ABLIM1: variants seen among roughly 807,000 people sequenced by gnomAD.
ABLIM1 encodes the protein actin-binding LIM protein 1.
Under a neutral mutation model 107.0 loss-of-function variants are expected in ABLIM1, and 40 were observed. The observed-to-expected ratio is 0.37, with a 90% confidence interval of 0.29 to 0.49. The LOEUF (loss-of-function observed/expected upper bound fraction) is 0.49, where lower values mean the gene tolerates loss of function less well. Among genes scored for constraint, ABLIM1 ranks in the 20% least tolerant of loss-of-function variants. ABLIM1 has a pLI of 0.97. For missense variants in ABLIM1, 857 were observed against 1,008.5 expected (o/e 0.85, Z 2.04); for synonymous variants, 357 against 357.3 (o/e 1.00, Z 0.01).
intron 1 of ABLIM1, among the ~76,000 whole-genome samples, chr10:114,723,714 TC>T (rs1352856789): frequency 6.6e-6 from 1 of 152,232 alleles, no homozygotes; most frequent in African/African-American, 2.4e-5. Flanking sequence ...GTATGCTTTG[TC>T]TACACAGCAC....
intron 6 of ABLIM1, among the ~76,000 whole-genome samples, chr10:114,529,580 A>T (rs1036541412): frequency 2.0e-5 from 3 of 152,212 alleles, no homozygotes; most frequent in African/African-American, 7.2e-5. Flanking sequence ...TTTCCAGATG[A>T]AAAGAGTGAA....
intron 1 of ABLIM1, among the ~76,000 whole-genome samples, chr10:114,664,432 C>T (rs2079927064): frequency 6.6e-6 from 1 of 152,188 alleles, no homozygotes; most frequent in Admixed American, 6.5e-5. Flanking sequence ...TGTATCGTTA[C>T]AGCAGTAAAA....
At chr10:114,695,658 C>T (rs1253635694) in intron 1 of ABLIM1, among the ~76,000 whole-genome samples, 1 of 152,120 alleles carries the variant, frequency 6.6e-6, no homozygotes, top group Non-Finnish European at 1.5e-5. Flanking sequence ...GGGTCCATTA[C>T]AATTCAACAA....
rs140373838 is a variant in ABLIM1 at position 114,730,484 on chromosome 10, C to T, written c.-213+37577G>A. On this transcript the variant is annotated intron_variant, in intron 1 of 15. Transcript: ENST00000651092. The stretch of plus-strand genomic sequence containing the variant: ...AGTCACCAAGAGAAATCTGGAGCCA[C>T]TGGACTTAATGAAACTATTGATGGA... Among the ~76,000 whole-genome samples, 632 of 151,446 alleles carry T rather than the reference C, an allele frequency of 4.2e-3. 7 individuals are homozygous for T. The highest frequency in any genetic ancestry group is 0.014 in the African/African-American group (588 of 41,180).
chr10:114,723,997 T>A (rs75986087), intron 1 of ABLIM1, among the ~76,000 whole-genome samples: 6,169 of 152,270 alleles, frequency 0.041, 180 homozygotes, highest in African/African-American at 0.064. Flanking sequence ...TAAAATAAAA[T>A]CTTTGACCTA....
chr10:114,774,724 C>A, the ABLIM1 span, among the ~76,000 whole-genome samples: 1 of 152,090 alleles, frequency 6.6e-6, no homozygotes, highest in African/African-American at 2.4e-5. Context: ...GACCTCTAAC[C>A]TAGACATGAG....
chr10:114,727,446 C>T (rs2081983700), intron 1 of ABLIM1, among the ~76,000 whole-genome samples: 1 of 151,994 alleles, frequency 6.6e-6, no homozygotes, highest in Admixed American at 6.5e-5. Context: ...CAATGGATTG[C>T]CCATGTCATA....
At chr10:114,612,952 A>G (rs1488217443) in intron 1 of ABLIM1, among the ~76,000 whole-genome samples, 1 of 152,230 alleles carries the variant, frequency 6.6e-6, no homozygotes, top group East Asian at 1.9e-4. Flanking sequence ...GAATTTGAAA[A>G]ACAAAAACCA....
At chr10:114,794,566 T>C in the ABLIM1 span, among the ~76,000 whole-genome samples, 2 of 152,228 alleles carry the variant, frequency 1.3e-5, no homozygotes, top group Non-Finnish European at 2.9e-5. Flanking sequence ...ATGAGTAACA[T>C]CAGTAATTGA....
chr10:114,566,284 T>G (rs1393376883), intron 4 of ABLIM1, among the ~76,000 whole-genome samples: 1 of 152,136 alleles, frequency 6.6e-6, no homozygotes, highest in African/African-American at 2.4e-5. Context: ...TCAGACACCC[T>G]TTGACATGGA....
At chr10:114,796,306 G>A in the ABLIM1 span, among the ~76,000 whole-genome samples, 3 of 152,158 alleles carry the variant, frequency 2.0e-5, no homozygotes, top group Non-Finnish European at 4.4e-5. Flanking sequence ...AAAGATGTCA[G>A]CTGGAACTGC....
chr10:114,691,609 C>T (rs1218952678), intron 1 of ABLIM1, among the ~76,000 whole-genome samples: 2 of 152,096 alleles, frequency 1.3e-5, no homozygotes, highest in Non-Finnish European at 2.9e-5. Flanking sequence ...ACTCTTGGTG[C>T]CTTTGAAAAA....
chr10:114,652,416 T>C (rs2079291530), intron 1 of ABLIM1, among the ~76,000 whole-genome samples: 1 of 152,238 alleles, frequency 6.6e-6, no homozygotes, highest in Non-Finnish European at 1.5e-5. Context: ...AACAATAATG[T>C]ACCCAAGAGG....
At chr10:114,496,476 A>G (rs971707129) in intron 6 of ABLIM1, among the ~76,000 whole-genome samples, 1 of 151,936 alleles carries the variant, frequency 6.6e-6, no homozygotes, top group Non-Finnish European at 1.5e-5. Context: ...AGGGAGGGGA[A>G]CAACACACAC....
intron 12 of ABLIM1, chr10:114,465,345 T>C (rs527477864): frequency 1.4e-4 from 24 of 170,500 alleles, no homozygotes; most frequent in Non-Finnish European, 2.1e-4. Flanking sequence ...ATGATGTTGG[T>C]ATGCCTAAAA....
At chr10:114,738,292 C>T (rs11817337) in intron 1 of ABLIM1, among the ~76,000 whole-genome samples, 6,930 of 152,218 alleles carry the variant, frequency 0.046, 261 homozygotes, top group African/African-American at 0.1. Flanking sequence ...TCAAGTGATC[C>T]ACCCACCTTG....
chr10:114,650,519 T>C (rs929628039), intron 1 of ABLIM1, among the ~76,000 whole-genome samples: 1 of 152,146 alleles, frequency 6.6e-6, no homozygotes, highest in Non-Finnish European at 1.5e-5. Flanking sequence ...GAACATTTCA[T>C]GTGAAAATAG....
At chr10:114,504,910 A>T (rs1196359510) in intron 6 of ABLIM1, among the ~76,000 whole-genome samples, 1 of 151,998 alleles carries the variant, frequency 6.6e-6, no homozygotes, top group Non-Finnish European at 1.5e-5. Flanking sequence ...AGAAATGTTA[A>T]TTCTTTATAA....
intron 1 of ABLIM1, among the ~76,000 whole-genome samples, chr10:114,724,930 C>CT (rs1452457179): frequency 1.3e-5 from 2 of 152,206 alleles, no homozygotes; most frequent in African/African-American, 2.4e-5. Flanking sequence ...AATAGGCCTG[C>CT]TTATTCTCTT....
Sources: gnomAD v4.1 joint callset for allele counts (sites outside exome capture counted in the v4.1 genomes callset) on GRCh38, gnomAD v4.1.1 for gene constraint, MANE v1.5 for transcripts, NCBI Gene and HGNC (gene_info 2026-07-23, HGNC 2026-07-21) for gene names.